Variants in RMND1 observed in about 807,000 individuals in gnomAD.
RMND1 encodes required for meiotic nuclear division 1 homolog.
Under a neutral mutation model 54.0 loss-of-function variants are expected in RMND1, and 41 were observed. That is an observed-to-expected ratio of 0.76 (90% CI 0.59 to 0.98). RMND1 has a LOEUF of 0.98. RMND1 is among the 50% of genes least tolerant of loss of function. The pLI is 0.00. For synonymous variants in RMND1, 183 were observed against 181.7 expected (o/e 1.01, Z -0.06); for missense variants, 457 against 532.0 (o/e 0.86, Z 1.39).
At chr6:151,411,141 G>C (rs1357929588) in intron 10 of RMND1, 6 of 152,110 alleles carry the variant, frequency 3.9e-5, no homozygotes, top group African/African-American at 1.4e-4. Flanking sequence ...TGTATTTTTA[G>C]TAGAGACAGG....
In RMND1 at chr6:151,436,521, C is replaced by G. The variant is rs752200117; in HGVS notation, c.538G>C (p.Asp180His). ...GACAGATTTCCCAGATGATACTCAT[C>G]TGCCGTTGCAAATGCTGTGCAGTGC... ...LMHCTAFATA[D>H]EYHLGNLSQD... is the part of the protein sequence containing the mutation. Residue 180 changes from aspartate (D) to histidine (H), a missense_variant, in exon 3 of 12, where the codon GAT (aspartate) becomes CAT (histidine). Transcript: ENST00000444024. The G allele has an allele frequency of 6.8e-6, 11 of 1,613,910 alleles. No individual in the cohort carries two copies. Among genetic ancestry groups the G allele is most frequent in the Non-Finnish European group, 9.3e-6 (11 of 1,179,884 alleles).
chr6:151,444,490 A>G (rs1780893153), intron 2 of RMND1: 1 of 152,210 alleles, frequency 6.6e-6, no homozygotes, highest in African/African-American at 2.4e-5. Context: ...TCAGCTGCAC[A>G]GTAATAAAAA....
rs1384682459 is a variant in RMND1 at position 151,450,371 on chromosome 6, C to T, written c.-15+1645G>A. Among the ~76,000 whole-genome samples, 6 of 145,590 alleles carry T rather than the reference C, an allele frequency of 4.1e-5. 1 individual carries two copies. Among genetic ancestry groups the T allele is most frequent in the Admixed American group, 1.3e-4 (2 of 14,924 alleles). ...CGGGAGGGAGGTGGGGGTCAGCCCC[C>T]GCCAGGCCAGCCACCCCATCCGGGA... On this transcript the variant is annotated intron_variant, in intron 1 of 11. Transcript: ENST00000444024.
intron 5 of RMND1, among the ~76,000 whole-genome samples, chr6:151,428,062 C>T (rs1253758665): frequency 1.3e-5 from 2 of 152,018 alleles, no homozygotes; most frequent in Non-Finnish European, 2.9e-5. Context: ...TGGGAGGTGG[C>T]GGTTGCAGTG....
intron 1 of RMND1, among the ~76,000 whole-genome samples, chr6:151,446,266 G>A (rs1780949685): frequency 6.6e-6 from 1 of 151,904 alleles, no homozygotes; most frequent in Non-Finnish European, 1.5e-5. Context: ...CTACAAAAAT[G>A]ACAAAAATTT....
rs570046710 is a variant in RMND1, at chr6:151,450,702, A to G, written c.-15+1314T>C. Among the ~76,000 whole-genome samples the G allele has an allele frequency of 1.0e-3, 151 of 151,728 alleles. 1 individual carries two copies. The highest frequency in any genetic ancestry group is 5.4e-3 in the Admixed American group (83 of 15,258). ...GGCCACCACCCCGTCTGGGAGGTGT[A>G]CTCAACAGCTCATTGAGAACGGGAC... is the stretch of plus-strand genomic sequence containing the variant. On this transcript the variant is annotated intron_variant, in intron 1 of 11. Coordinates refer to ENST00000444024, the MANE Select transcript of RMND1 (RefSeq NM_017909.4).
intron 6 of RMND1, among the ~76,000 whole-genome samples, chr6:151,424,802 T>C (rs1780249508): frequency 6.6e-6 from 1 of 151,152 alleles, no homozygotes; most frequent in Admixed American, 6.6e-5. Context: ...CACAAGCAAA[T>C]GGAAAAAAGA....
intron 10 of RMND1, among the ~76,000 whole-genome samples, chr6:151,409,617 G>A (rs1223798541): frequency 2.6e-5 from 4 of 152,188 alleles, no homozygotes; most frequent in African/African-American, 9.7e-5. Context: ...GATCTCATGG[G>A]GCTTACATTC....
In RMND1 at chr6:151,445,570, G is replaced by C; in HGVS notation, c.242C>G (p.Ser81Cys). The C allele has an allele frequency of 6.2e-7, 1 of 1,614,200 alleles. No individual in the cohort carries two copies. The highest frequency in any genetic ancestry group is 8.5e-7 in the Non-Finnish European group (1 of 1,180,046). ...NQKKSDTSML[S>C]PLNAARCQDE... ...TTGGCAACGAGCAGCATTTAATGGA[G>C]ACAGCATGCTGGTATCTGACTTTTT... The change falls in exon 2 of 12, where the codon TCT (serine) becomes TGT (cysteine). Residue 81 changes from serine (S) to cysteine (C), a missense_variant. Coordinates refer to ENST00000444024, the MANE Select transcript of RMND1 (RefSeq NM_017909.4).
In RMND1 at chr6:151,427,955, C is replaced by T. The variant is rs369924094; in HGVS notation, c.730-373G>A. ...AAAAGTTCAAGACCAGCCTGGGCAA[C>T]GTGGCAAAATCCTGTCTCTACAAAA... On this transcript the variant is annotated intron_variant, in intron 5 of 11. Transcript: ENST00000444024. 7.3e-4 allele frequency among the ~76,000 whole-genome samples: 111 copies of T among 152,046 alleles called. 1 individual carries two copies. Among genetic ancestry groups the T allele is most frequent in the African/African-American group, 2.6e-3 (107 of 41,466 alleles).
intron 8 of RMND1, among the ~76,000 whole-genome samples, 187 bp from the exon 9 acceptor site, chr6:151,421,508 G>A (rs1321772531): frequency 1.3e-5 from 2 of 152,072 alleles, no homozygotes; most frequent in Non-Finnish European, 2.9e-5. Context: ...GGTAGAAATT[G>A]TATATTCTCT....
At chr6:151,410,245 C>A (rs369889229) in intron 10 of RMND1, among the ~76,000 whole-genome samples, 2 of 151,976 alleles carry the variant, frequency 1.3e-5, no homozygotes, top group South Asian at 4.2e-4. Flanking sequence ...TTAGTAGAGA[C>A]GGGGTCTCAC....
intron 4 of RMND1, among the ~76,000 whole-genome samples, chr6:151,432,619 T>A (rs1273128123): frequency 6.6e-6 from 1 of 152,164 alleles, no homozygotes; most frequent in African/African-American, 2.4e-5. Context: ...CACGGTTCTA[T>A]CATGTTATCA....
At chr6:151,437,333 CACTT>C (rs1196106622) in intron 2 of RMND1, among the ~76,000 whole-genome samples, 8 of 152,128 alleles carry the variant, frequency 5.3e-5, no homozygotes, top group East Asian at 1.9e-4. Context: ...AGTTTTCTGT[CACTT>C]ACATGTATCT....
At chr6:151,437,152 T>C (rs190190355) in intron 2 of RMND1, among the ~76,000 whole-genome samples, 68 of 152,376 alleles carry the variant, frequency 4.5e-4, no homozygotes, top group East Asian at 1.9e-4. Flanking sequence ...CTTGTGTCTA[T>C]ATAAAATACA....
Position 151,412,087 on chromosome 6 carries a change from C to T in RMND1, c.1200+5192G>A, listed in dbSNP as rs375368194. Among the ~76,000 whole-genome samples the T allele has an allele frequency of 5.8e-4, 89 of 152,240 alleles. 2 individuals are homozygous for T. The South Asian group carries it at 0.018, about 30-fold the overall frequency. On this transcript the variant is annotated intron_variant, in intron 10 of 11. Transcript: ENST00000444024. Reference sequence around the variant, plus strand: ...TGATCTTGGCTCACTGCAACCTCTGCCCCCCTTAGGTTCAAGCGATTTTCC... The same window carrying T: ...TGATCTTGGCTCACTGCAACCTCTGTCCCCCTTAGGTTCAAGCGATTTTCC...
intron 2 of RMND1, among the ~76,000 whole-genome samples, chr6:151,439,686 T>C (rs1396612021): frequency 6.6e-6 from 1 of 152,176 alleles, no homozygotes; most frequent in Non-Finnish European, 1.5e-5. Flanking sequence ...TTTGAGACAG[T>C]TTCACTCTTG....
chr6:151,449,832 G>T (rs1364498720), intron 1 of RMND1, among the ~76,000 whole-genome samples: 1 of 152,212 alleles, frequency 6.6e-6, no homozygotes, highest in Non-Finnish European at 1.5e-5. Context: ...TACTTTTTTG[G>T]TGGAGACGGG....
At chr6:151,443,553 G>A (rs140959177) in intron 2 of RMND1, among the ~76,000 whole-genome samples, 1,853 of 152,132 alleles carry the variant, frequency 0.012, 9 homozygotes, top group Middle Eastern at 0.017. Context: ...TCAAGTAATC[G>A]CCTGCCTGGG....
Sources: allele counts gnomAD v4.1 joint callset (sites outside exome capture counted in the v4.1 genomes callset), GRCh38; gene constraint gnomAD v4.1.1; transcripts MANE v1.5; gene names NCBI Gene and HGNC (gene_info 2026-07-23, HGNC 2026-07-21).